SPON1: variants seen among roughly 807,000 people sequenced by gnomAD.
The protein encoded by SPON1 is spondin 1.
SPON1 carries 52 observed loss-of-function variants against 111.7 expected under a neutral mutation model. The ratio of observed to expected loss-of-function variants is 0.47; its 90% CI spans 0.37 to 0.59. SPON1 has a LOEUF of 0.59. SPON1 is among the 20% of genes least tolerant of loss of function. The pLI is 0.00. For missense variants in SPON1, 957 were observed against 1,068.5 expected (o/e 0.90, Z 1.46); for synonymous variants, 410 against 395.8 (o/e 1.04, Z -0.43).
chr11:14,264,368 A>G (rs1849236922), intron 15 of SPON1, among the ~76,000 whole-genome samples: 1 of 152,210 alleles, frequency 6.6e-6, no homozygotes, highest in South Asian at 2.1e-4. Context: ...GAGAAAGATT[A>G]TACATCCCCA....
At chr11:14,263,103 C>A in intron 15 of SPON1, 128 bp downstream of exon 15, 1 of 958,526 alleles carries the variant, frequency 1.0e-6, no homozygotes, top group Non-Finnish European at 1.5e-6. Flanking sequence ...CTTCTGGAGT[C>A]TTCAGGCCAC....
At chr11:14,063,010 T>C (rs1405381709) in intron 3 of SPON1, among the ~76,000 whole-genome samples, 1 of 151,942 alleles carries the variant, frequency 6.6e-6, no homozygotes, top group East Asian at 1.9e-4. Context: ...TCCCTCTTTT[T>C]TTCCTCTCTT....
chr11:14,134,058 T>A lies in SPON1; in HGVS notation c.677-1362T>A, dbSNP rs146246012. 2.9e-3 allele frequency among the ~76,000 whole-genome samples: 430 copies of A among 148,396 alleles called. 2 individuals are homozygous for A. Among genetic ancestry groups the A allele is most frequent in the African/African-American group, 9.7e-3 (394 of 40,436 alleles). On this transcript the variant is annotated intron_variant, in intron 5 of 15. Transcript: ENST00000576479. ...TCTTTCTTTCTTTTTTTTTTTTTTC[T>A]TTTTTCAAGAGTGTTTATTAAAATA...
chr11:14,169,448 T>G (rs1403972345), intron 6 of SPON1, among the ~76,000 whole-genome samples: 15 of 152,194 alleles, frequency 9.9e-5, no homozygotes, highest in African/African-American at 3.1e-4. Context: ...TTCTGTAGGT[T>G]GCCTGTTCAC....
intron 2 of SPON1, among the ~76,000 whole-genome samples, chr11:13,999,152 T>C (rs1848296749): frequency 6.6e-6 from 1 of 152,238 alleles, no homozygotes; most frequent in Non-Finnish European, 1.5e-5. Flanking sequence ...TATTGTAGGA[T>C]ATTTAGAGAA....
chr11:14,259,368 T>G lies in SPON1; in HGVS notation c.1581T>G (p.Tyr527Ter). The G allele has an allele frequency of 3.7e-6, 6 of 1,610,762 alleles. No individual in the cohort carries two copies. Among genetic ancestry groups the G allele is most frequent in the Non-Finnish European group, 5.1e-6 (6 of 1,179,038 alleles). Reference protein sequence around the residue: ...CGMGMRSRERYVKQFPEDGSV... With the variant: ...CGMGMRSRER ...TGGGCATGAGGTCCCGGGAGAGGTA[T>G]GTGAAGCAGTTCCCGGAGGACGGCT... The change falls in exon 12 of 16, where the codon TAT becomes TAG. Residue 527 changes from tyrosine to a stop codon, truncating the protein, a stop_gained. Transcript: ENST00000576479. LOFTEE classifies it high-confidence loss of function. This position sits in a 1 kb window ranked among gnomAD's most constrained non-coding sequence, Gnocchi z 5.0.
chr11:13,984,075 A>G (rs879991712), intron 2 of SPON1, among the ~76,000 whole-genome samples: 3 of 152,186 alleles, frequency 2.0e-5, no homozygotes, highest in Non-Finnish European at 4.4e-5. Flanking sequence ...CTTGGCATGT[A>G]TCTGAAAGGG....
intron 2 of SPON1, among the ~76,000 whole-genome samples, chr11:14,035,616 T>TC (rs1392471797): frequency 4.7e-5 from 3 of 64,028 alleles, no homozygotes; most frequent in Non-Finnish European, 1.3e-4. Flanking sequence ...ACTTAGTTCT[T>TC]TTTTTTTTTT....
rs180950627 is a variant in SPON1, at chr11:14,194,844, G to A, written c.826-48488G>A. Among the ~76,000 whole-genome samples, 451 of 152,232 alleles carry A rather than the reference G, an allele frequency of 3.0e-3. 4 individuals are homozygous for A. The highest frequency in any genetic ancestry group is 2.6e-3 in the Non-Finnish European group (176 of 68,016). ...AATTTATTTTATTAATATGTTTATT[G>A]TAGGAGGAAATCCTAAATTTAAAGG... On this transcript the variant is annotated intron_variant, in intron 6 of 15. Coordinates refer to ENST00000576479, the MANE Select transcript of SPON1 (RefSeq NM_006108.4).
chr11:14,185,195 AGGG>A (rs1554933962), intron 6 of SPON1, among the ~76,000 whole-genome samples: 1 of 152,236 alleles, frequency 6.6e-6, no homozygotes, highest in African/African-American at 2.4e-5. Context: ...TGCTTATCAC[AGGG>A]TCTACCTGTA....
chr11:13,999,771 T>C (rs1848302103), intron 2 of SPON1, among the ~76,000 whole-genome samples: 2 of 152,198 alleles, frequency 1.3e-5, no homozygotes, highest in South Asian at 4.1e-4. Flanking sequence ...ACTCAGAGCT[T>C]GCTTTTAGAG....
chr11:14,039,418 C>CTG (rs1554917032), intron 2 of SPON1, among the ~76,000 whole-genome samples: 1 of 151,796 alleles, frequency 6.6e-6, no homozygotes, highest in Non-Finnish European at 1.5e-5. Flanking sequence ...GTGAGGGAGA[C>CTG]TGTGTGTGTG....
At chr11:14,161,217 A>T (rs1303020797) in intron 6 of SPON1, among the ~76,000 whole-genome samples, 1 of 128,608 alleles carries the variant, frequency 7.8e-6, no homozygotes, top group Non-Finnish European at 1.6e-5. Context: ...ATTTATATAT[A>T]TCTATATATA....
chr11:14,163,596 A>G (rs1847992663), intron 6 of SPON1, among the ~76,000 whole-genome samples: 1 of 151,320 alleles, frequency 6.6e-6, no homozygotes, highest in Non-Finnish European at 1.5e-5. Flanking sequence ...TCCCTCTTTC[A>G]CTGACTCTGA....
At chr11:14,177,909 T>A (rs1333731100) in intron 6 of SPON1, among the ~76,000 whole-genome samples, 1 of 152,180 alleles carries the variant, frequency 6.6e-6, no homozygotes, top group Non-Finnish European at 1.5e-5. Context: ...GCGATTTCCC[T>A]GACACATGTA....
At chr11:14,018,328 C>T (rs1251500038) in intron 2 of SPON1, among the ~76,000 whole-genome samples, 1 of 152,156 alleles carries the variant, frequency 6.6e-6, no homozygotes, top group Non-Finnish European at 1.5e-5. Flanking sequence ...AGCCTGAGAT[C>T]TTAAGGCATC....
At chr11:13,978,612 A>G (rs1315145580) in intron 1 of SPON1, among the ~76,000 whole-genome samples, 1 of 152,200 alleles carries the variant, frequency 6.6e-6, no homozygotes, top group Non-Finnish European at 1.5e-5. Flanking sequence ...TGCTGTTACT[A>G]TGCCTATTAT....
intron 6 of SPON1, among the ~76,000 whole-genome samples, chr11:14,235,996 A>AGAGT (rs1848861949): frequency 6.6e-6 from 1 of 152,140 alleles, no homozygotes; most frequent in Admixed American, 6.5e-5. Context: ...AGGTTGTGGA[A>AGAGT]GAGTAGTAAG....
At chr11:14,166,340 A>G (rs560170767) in intron 6 of SPON1, among the ~76,000 whole-genome samples, 2 of 152,310 alleles carry the variant, frequency 1.3e-5, no homozygotes, top group East Asian at 1.9e-4. Flanking sequence ...AAGAACAAAT[A>G]TGATCCAAAT....
Sources: gnomAD v4.1 joint callset for allele counts (sites outside exome capture counted in the v4.1 genomes callset) on GRCh38, gnomAD v4.1.1 for gene constraint, Gnocchi (gnomAD v3.1) non-coding constraint, MANE v1.5 for transcripts, NCBI Gene and HGNC (gene_info 2026-07-23, HGNC 2026-07-21) for gene names.